The following NDUFAF7 variants were observed in gnomAD, a reference collection of about 807,000 sequenced individuals.
NDUFAF7 encodes NADH:ubiquinone oxidoreductase complex assembly factor 7, also known as protein arginine methyltransferase NDUFAF7, mitochondrial.
In NDUFAF7, 48 loss-of-function variants were observed where a neutral mutation model predicts 47.2. The ratio of observed to expected loss-of-function variants is 1.02; its 90% CI spans 0.81 to 1.29. The LOEUF (loss-of-function observed/expected upper bound fraction) is 1.29, where lower values mean the gene tolerates loss of function less well. NDUFAF7 is among the 50% of genes most tolerant of loss of function. NDUFAF7 has a pLI of 0.00. For synonymous variants in NDUFAF7, 217 were observed against 190.0 expected (o/e 1.14, Z -1.17); for missense variants, 635 against 537.6 (o/e 1.18, Z -1.79).
At chr2:37,263,576 G>A in the NDUFAF7 span, among the ~76,000 whole-genome samples, 8 of 152,254 alleles carry the variant, frequency 5.3e-5, no homozygotes, top group Non-Finnish European at 1.0e-4. Flanking sequence ...ATTTGGTGTA[G>A]TATGATTTTC....
rs1469594663 is a variant in NDUFAF7 at position 37,238,416 on chromosome 2, A to G, written c.408+549A>G. On this transcript the variant is annotated intron_variant, in intron 4 of 9. Coordinates refer to ENST00000002125, the MANE Select transcript of NDUFAF7 (RefSeq NM_144736.5). ...TGCAGAGCTGAGATTGCGCCATTGC[A>G]CTCCAGCCTGGTGACAGAGCGAGAC... Among the ~76,000 whole-genome samples, 4 of 151,286 alleles carry G rather than the reference A, an allele frequency of 2.6e-5. No homozygotes were observed. In the East Asian group the frequency reaches 7.8e-4, roughly 29 times the overall value.
At chr2:37,269,486 A>AT in the NDUFAF7 span, 2 of 730,490 alleles carry the variant, frequency 2.7e-6, no homozygotes, top group Non-Finnish European at 4.8e-6. Context: ...TAGCTGAAAG[A>AT]TAACAAGTCA....
rs762018869 is a variant in NDUFAF7, at chr2:37,241,780, A to T, written c.611A>T (p.Asp204Val). The change falls in exon 5 of 10, where the codon GAT becomes GTT. Residue 204 changes from aspartate (D) to valine (V), a missense_variant. Coordinates refer to ENST00000002125, the MANE Select transcript of NDUFAF7 (RefSeq NM_144736.5). ...IPISWYRDLH[D>V]VPKGYSFYLA... ...ATTTCCTGGTACCGAGATCTGCACG[A>T]TGTTCCAAAAGGTAATTACCTTTAT... is the stretch of plus-strand genomic sequence containing the variant. The T allele has an allele frequency of 5.6e-6, 9 of 1,613,330 alleles. No homozygotes were observed. In the South Asian group the frequency reaches 8.8e-5, roughly 16 times the overall value.
At chr2:37,245,722 GA>G (rs1338249241) in intron 7 of NDUFAF7, among the ~76,000 whole-genome samples, 1 of 152,162 alleles carries the variant, frequency 6.6e-6, no homozygotes, top group African/African-American at 2.4e-5. Context: ...CAACCTAGAG[GA>G]ATGTGTTTAT....
In NDUFAF7 at chr2:37,246,176, C is replaced by G. The variant is rs1572567022; in HGVS notation, c.917C>G (p.Thr306Arg). Reference sequence around the variant, plus strand: ...GTTGCTGATTATGGTCATGATGGAACAAAGACAGATACCTTCAGAGTATGT... The same window carrying G: ...GTTGCTGATTATGGTCATGATGGAAGAAAGACAGATACCTTCAGAGTATGT... The part of the protein sequence containing the change: ...ALVADYGHDG[T>R]KTDTFRGFCD... The change falls in exon 8 of 10, where the codon ACA (threonine) becomes AGA (arginine). Residue 306 changes from threonine (T) to arginine (R), a missense_variant. Coordinates refer to ENST00000002125, the MANE Select transcript of NDUFAF7 (RefSeq NM_144736.5). The G allele has an allele frequency of 1.2e-6, 2 of 1,613,800 alleles. No homozygotes were observed. The highest frequency in any genetic ancestry group is 1.7e-6 in the Non-Finnish European group (2 of 1,179,812).
rs556408263 is a variant in NDUFAF7, at chr2:37,232,379, G to C, written c.216+113G>C. The C allele has an allele frequency of 5.8e-6, 8 of 1,384,372 alleles. No individual in the cohort carries two copies. The African/African-American group carries it at 1.1e-4, about 20-fold the overall frequency. The allele number at this position is 1,384,372 out of a possible 1,614,324, so 85.8% of individuals were successfully genotyped here. On this transcript the variant is annotated intron_variant, in intron 2 of 9. Coordinates refer to ENST00000002125, the MANE Select transcript of NDUFAF7 (RefSeq NM_144736.5). ...CCAGGCAGTGGGGGTGCCTGCCAGG[G>C]GAAGAGCCATTTCTGAGGACCTGGG... is the stretch of plus-strand genomic sequence containing the variant.
chr2:37,235,823 T>G (rs1303238445), intron 2 of NDUFAF7, among the ~76,000 whole-genome samples: 2 of 151,816 alleles, frequency 1.3e-5, no homozygotes, highest in East Asian at 1.9e-4. Flanking sequence ...CCCGGCTAAT[T>G]TTTTTGTATT....
intron 8 of NDUFAF7, among the ~76,000 whole-genome samples, chr2:37,247,134 C>T (rs1667013784): frequency 6.6e-6 from 1 of 152,144 alleles, no homozygotes; most frequent in African/African-American, 2.4e-5. Flanking sequence ...GTGAGATGTA[C>T]ATGTGGTATT....
chr2:37,232,173 G>T lies in NDUFAF7; in HGVS notation c.123G>T (p.Thr41=). The T allele has an allele frequency of 6.2e-7, 1 of 1,614,208 alleles. No homozygotes were observed. Among genetic ancestry groups the T allele is most frequent in the Non-Finnish European group, 8.5e-7 (1 of 1,180,046 alleles). The change falls in exon 2 of 10, where the codon ACG becomes ACT. Residue 41 remains threonine, a synonymous_variant. Transcript: ENST00000002125. ...ATGAGCCTGCAGAAAACCCGGTGAC[G>T]CCGATGCTGCGGCATCTTATGTACA... ...SGNEPAENPV[T]PMLRHLMYKI... is the part of the protein sequence containing the mutation.
chr2:37,256,624 CA>C (rs762333246), downstream of NDUFAF7: 292 of 1,345,584 alleles, frequency 2.2e-4, 1 homozygote, highest in Middle Eastern at 1.3e-3. Flanking sequence ...AACACATAGC[CA>C]AAATTTTTTT....
At chr2:37,254,328 GCA>G (rs1349979787), downstream of NDUFAF7, 2 of 1,510,178 alleles carry the variant, frequency 1.3e-6, no homozygotes, top group South Asian at 2.3e-5. Flanking sequence ...GAATTTGGGT[GCA>G]CAGAGTACCC....
chr2:37,246,789 G>C (rs867150410), intron 8 of NDUFAF7, among the ~76,000 whole-genome samples: 1 of 152,092 alleles, frequency 6.6e-6, no homozygotes, highest in Non-Finnish European at 1.5e-5. Context: ...TGGATAGTTT[G>C]TTGAAAATAC....
the NDUFAF7 span, chr2:37,269,368 G>T: frequency 4.2e-6 from 2 of 478,826 alleles, no homozygotes; most frequent in Non-Finnish European, 7.6e-6. Flanking sequence ...CTGTATGTGT[G>T]AGCTACAAGA....
intron 2 of NDUFAF7, among the ~76,000 whole-genome samples, chr2:37,233,351 C>T (rs577137892): frequency 1.6e-3 from 237 of 152,300 alleles, no homozygotes; most frequent in Non-Finnish European, 2.6e-3. Context: ...CGTTCAGGGC[C>T]GGACGTGGCG....
downstream of NDUFAF7, chr2:37,253,018 A>T: frequency 1.6e-6 from 1 of 621,338 alleles, no homozygotes; most frequent in Non-Finnish European, 2.5e-6. Flanking sequence ...TCCCGCCTGT[A>T]CCTACTCATT....
At chr2:37,266,348 G>A in the NDUFAF7 span, among the ~76,000 whole-genome samples, 675 of 152,278 alleles carry the variant, frequency 4.4e-3, 3 homozygotes, top group Non-Finnish European at 7.8e-3. Context: ...TTGTTGAGAC[G>A]GAGTTTCCCT....
chr2:37,268,196 T>A, the NDUFAF7 span: 1 of 406,708 alleles, frequency 2.5e-6, no homozygotes, highest in East Asian at 7.2e-5. Context: ...CTTCTCTACA[T>A]AGCTATTTAT....
chr2:37,237,936 T>C (rs1486765233), intron 4 of NDUFAF7, 69 bp downstream of exon 4: 2 of 1,088,126 alleles, frequency 1.8e-6, no homozygotes, highest in African/African-American at 3.1e-5. Flanking sequence ...GTGCAAACCA[T>C]GTTGATTTCA....
chr2:37,266,160 T>C, the NDUFAF7 span, among the ~76,000 whole-genome samples: 2 of 152,188 alleles, frequency 1.3e-5, no homozygotes, highest in Non-Finnish European at 2.9e-5. Context: ...GCTTTTTGAT[T>C]ATCATGCCTC....
Sources: allele counts gnomAD v4.1 joint callset (sites outside exome capture counted in the v4.1 genomes callset), GRCh38; gene constraint gnomAD v4.1.1; transcripts MANE v1.5; gene names NCBI Gene and HGNC (gene_info 2026-07-23, HGNC 2026-07-21).